Variants in MBNL2 observed in about 807,000 individuals in gnomAD.
The protein encoded by MBNL2 is muscleblind-like protein 2.
MBNL2 carries 17 observed loss-of-function variants against 41.9 expected under a neutral mutation model. The ratio of observed to expected loss-of-function variants is 0.41; its 90% CI spans 0.28 to 0.61. The LOEUF (loss-of-function observed/expected upper bound fraction) is 0.61, where lower values mean the gene tolerates loss of function less well. Among genes scored for constraint, MBNL2 ranks in the 20% least tolerant of loss-of-function variants. The pLI is 0.35. For synonymous variants in MBNL2, 195 were observed against 182.9 expected (o/e 1.07, Z -0.53); for missense variants, 336 against 505.6 (o/e 0.66, Z 3.22).
intron 2 of MBNL2, among the ~76,000 whole-genome samples, chr13:97,301,926 C>A (rs2057662873): frequency 6.6e-6 from 1 of 152,204 alleles, no homozygotes; most frequent in Admixed American, 6.5e-5. Context: ...AGTCTCAGAG[C>A]AGTAAGCTCT....
At chr13:97,365,370 C>G (rs963720516) in intron 8 of MBNL2, among the ~76,000 whole-genome samples, 199 bp downstream of exon 8, 2 of 152,154 alleles carry the variant, frequency 1.3e-5, no homozygotes, top group Non-Finnish European at 2.9e-5. Flanking sequence ...ACCTCTTGTG[C>G]TAGAACAATC....
chr13:97,214,472 T>C, the MBNL2 span, among the ~76,000 whole-genome samples: 1 of 152,166 alleles, frequency 6.6e-6, no homozygotes, highest in Non-Finnish European at 1.5e-5. Context: ...AAGTAGATTA[T>C]AAATTTTGAC....
intron 2 of MBNL2, among the ~76,000 whole-genome samples, chr13:97,310,579 G>A (rs9584543): frequency 0.064 from 9,635 of 151,572 alleles, 1,032 homozygotes; most frequent in African/African-American, 0.22. Flanking sequence ...ACAGGCACCC[G>A]CCACCATGCC....
intron 2 of MBNL2, among the ~76,000 whole-genome samples, chr13:97,287,085 G>T (rs1299210355): frequency 6.6e-6 from 1 of 152,146 alleles, no homozygotes; most frequent in African/African-American, 2.4e-5. Flanking sequence ...TCCCATTAAT[G>T]TACAAACAGA....
At chr13:97,217,773 A>C (rs1381653538), upstream of MBNL2, among the ~76,000 whole-genome samples, 1 of 152,046 alleles carries the variant, frequency 6.6e-6, no homozygotes, top group Middle Eastern at 3.2e-3. Flanking sequence ...TTTTAAAAAG[A>C]TGATTTTGGC....
chr13:97,188,486 A>G, the MBNL2 span, among the ~76,000 whole-genome samples: 1 of 152,082 alleles, frequency 6.6e-6, no homozygotes, highest in African/African-American at 2.4e-5. Flanking sequence ...CCTGCCGCAC[A>G]CACATATTGA....
intron 1 of MBNL2, among the ~76,000 whole-genome samples, chr13:97,252,860 A>G (rs1681614370): frequency 6.6e-6 from 1 of 152,204 alleles, no homozygotes; most frequent in Non-Finnish European, 1.5e-5. Context: ...GCTATGCCAT[A>G]TATTACTGTT....
intron 1 of MBNL2, among the ~76,000 whole-genome samples, chr13:97,269,122 C>A (rs1413044516): frequency 6.6e-6 from 1 of 152,200 alleles, no homozygotes; most frequent in Non-Finnish European, 1.5e-5. Flanking sequence ...GGGGCAACTA[C>A]TCCCAAACAT....
rs1357638784 is a variant in MBNL2, at chr13:97,347,003, C to A, written c.740C>A (p.Ala247Glu). The A allele has an allele frequency of 6.2e-7, 1 of 1,613,504 alleles. No homozygotes were observed. Among genetic ancestry groups the A allele is most frequent in the South Asian group, 1.1e-5 (1 of 91,074 alleles). Residue 247 changes from alanine (A) to glutamate (E), a missense_variant, in exon 5 of 9, where the codon GCG becomes GAG. By Grantham distance (107) the Ala-to-Glu change is moderately radical (BLOSUM62 -1). Coordinates refer to ENST00000679496, the MANE Select transcript of MBNL2 (RefSeq NM_001382683.1). ...CACTTGCAGGCCAAAATCAAAGCTG[C>A]GCAGCACCAAGCCAACCAAGCTGCG... ...PAHLQAKIKAAQHQANQAAVA... is the reference protein window; with the variant it reads ...PAHLQAKIKAEQHQANQAAVA...
At chr13:97,380,721 C>T (rs972557774) in intron 8 of MBNL2, among the ~76,000 whole-genome samples, 2 of 152,096 alleles carry the variant, frequency 1.3e-5, no homozygotes, top group African/African-American at 4.8e-5. Flanking sequence ...GCCTCACCAC[C>T]GAGCTTTAAT....
chr13:97,216,979 T>C (rs1215847047), upstream of MBNL2, among the ~76,000 whole-genome samples: 3 of 148,678 alleles, frequency 2.0e-5, no homozygotes, highest in South Asian at 4.2e-4. Flanking sequence ...GTATACATAA[T>C]ACATAATATA....
At chr13:97,209,105 T>C in the MBNL2 span, among the ~76,000 whole-genome samples, 2 of 152,212 alleles carry the variant, frequency 1.3e-5, no homozygotes. Context: ...TTGAAAGACA[T>C]GATTTGGGTA....
At chr13:97,232,751 C>T (rs746877156) in intron 1 of MBNL2, among the ~76,000 whole-genome samples, 4 of 151,982 alleles carry the variant, frequency 2.6e-5, no homozygotes, top group Non-Finnish European at 4.4e-5. Context: ...CCAGAAGTCC[C>T]TCCTCACAAA....
intron 2 of MBNL2, among the ~76,000 whole-genome samples, chr13:97,315,895 G>A (rs757534255): frequency 1.3e-5 from 2 of 152,042 alleles, no homozygotes; most frequent in South Asian, 2.1e-4. Flanking sequence ...AGTTGGATGC[G>A]ATTCAGGAAA....
At chr13:97,220,714 A>T (rs2040783458), upstream of MBNL2, among the ~76,000 whole-genome samples, 1 of 152,186 alleles carries the variant, frequency 6.6e-6, no homozygotes, top group Admixed American at 6.5e-5. Flanking sequence ...AATAGGTCAG[A>T]GTTCTGGCCT....
the MBNL2 span, among the ~76,000 whole-genome samples, chr13:97,149,008 C>T: frequency 6.6e-6 from 1 of 152,194 alleles, no homozygotes; most frequent in Admixed American, 6.5e-5. Flanking sequence ...GGGGACTTTC[C>T]ACGCAATATG....
chr13:97,310,575 A>G (rs1594192029), intron 2 of MBNL2, among the ~76,000 whole-genome samples: 1 of 151,388 alleles, frequency 6.6e-6, no homozygotes, highest in African/African-American at 2.4e-5. Context: ...GACTACAGGC[A>G]CCCGCCACCA....
chr13:97,285,117 A>G (rs1256930402), intron 2 of MBNL2, among the ~76,000 whole-genome samples: 2 of 152,226 alleles, frequency 1.3e-5, no homozygotes, highest in Non-Finnish European at 2.9e-5. Context: ...TCTTTCAGTC[A>G]AACTTTTATT....
At chr13:97,375,207 C>A (rs1160056620) in intron 8 of MBNL2, among the ~76,000 whole-genome samples, 1 of 152,208 alleles carries the variant, frequency 6.6e-6, no homozygotes, top group African/African-American at 2.4e-5. Context: ...TTCTGGCATT[C>A]CTCTGGGGTG....
Sources: gnomAD v4.1 joint callset for allele counts (sites outside exome capture counted in the v4.1 genomes callset) on GRCh38, gnomAD v4.1.1 for gene constraint, MANE v1.5 for transcripts, NCBI Gene and HGNC (gene_info 2026-07-23, HGNC 2026-07-21) for gene names.